GFRA2: variants seen among roughly 807,000 people sequenced by gnomAD.
GFRA2 encodes GDNF family receptor alpha-2.
A neutral mutation model predicts 48.3 loss-of-function variants in GFRA2; 17 were observed. The ratio of observed to expected loss-of-function variants is 0.35; its 90% CI spans 0.24 to 0.53. GFRA2 has a LOEUF of 0.53. GFRA2 is among the 20% of genes least tolerant of loss of function. GFRA2 has a pLI of 0.93. For synonymous variants in GFRA2, 305 were observed against 257.2 expected, an observed-to-expected ratio of 1.19 and a Z score of -1.78; for missense variants, 660 against 637.3, an observed-to-expected ratio of 1.04 and a Z score of -0.38.
At chr8:21,791,401 C>T (rs1807571425), upstream of GFRA2, among the ~76,000 whole-genome samples, 2 of 152,114 alleles carry the variant, frequency 1.3e-5, no homozygotes, top group Admixed American at 1.3e-4. Flanking sequence ...CTGCAGGGCA[C>T]TCTGACCTTG....
At chr8:21,803,629 A>G (rs1807808703) in intron 2 of GFRA2, among the ~76,000 whole-genome samples, 1 of 152,176 alleles carries the variant, frequency 6.6e-6, no homozygotes, top group Non-Finnish European at 1.5e-5. Context: ...AGTAATGATC[A>G]TAGCTAACTT....
intron 3 of GFRA2, among the ~76,000 whole-genome samples, chr8:21,772,266 G>A (rs1806472740): frequency 6.6e-6 from 1 of 152,112 alleles, no homozygotes; most frequent in Non-Finnish European, 1.5e-5. Context: ...TCTTTCTGCT[G>A]AGCTCCTCAC....
intron 7 of GFRA2, among the ~76,000 whole-genome samples, chr8:21,702,307 G>C (rs757794977): frequency 1.3e-5 from 2 of 152,198 alleles, no homozygotes; most frequent in African/African-American, 2.4e-5. Flanking sequence ...GCCCACAAGG[G>C]AGGGGGAAGG....
intron 4 of GFRA2, among the ~76,000 whole-genome samples, chr8:21,718,814 G>A (rs1431187041): frequency 6.6e-6 from 1 of 152,152 alleles, no homozygotes; most frequent in African/African-American, 2.4e-5. Flanking sequence ...ACAGCAGCAA[G>A]GCCAGAAGAC....
chr8:21,705,041 T>A lies in GFRA2; in HGVS notation c.989A>T (p.Asn330Ile). Residue 330 changes from asparagine (N) to isoleucine (I), a missense_variant, in exon 6 of 9, where the codon AAC becomes ATC. Coordinates refer to ENST00000524240, the MANE Select transcript of GFRA2 (RefSeq NM_001495.5). ...GAACTTCTCACACTCCTCCTCCATG[T>A]TCCCGCTGCCACGACAGCTGCACCA... Reference protein sequence around the residue: ...SPWCSCRGSGNMEEECEKFLR... With the variant: ...SPWCSCRGSGIMEEECEKFLR... The A allele has an allele frequency of 1.2e-6, 2 of 1,611,070 alleles. No homozygotes were observed. Among genetic ancestry groups the A allele is most frequent in the Non-Finnish European group, 1.7e-6 (2 of 1,179,144 alleles).
chr8:21,807,247 T>C (rs997765768), intron 1 of GFRA2, among the ~76,000 whole-genome samples: 2 of 152,228 alleles, frequency 1.3e-5, no homozygotes, highest in Admixed American at 1.3e-4. Context: ...GGCTCATTAC[T>C]GCAACAGTGG....
intron 4 of GFRA2, among the ~76,000 whole-genome samples, chr8:21,736,792 C>T (rs1804485780): frequency 6.6e-6 from 1 of 151,756 alleles, no homozygotes; most frequent in Non-Finnish European, 1.5e-5. Context: ...GTGCTCTGTC[C>T]TGAAATTATT....
intron 4 of GFRA2, among the ~76,000 whole-genome samples, chr8:21,749,617 T>C (rs1805178015): frequency 6.6e-6 from 1 of 152,272 alleles, no homozygotes; most frequent in African/African-American, 2.4e-5. Flanking sequence ...CCACGTGACC[T>C]ACGTTGGGAT....
At chr8:21,746,602 A>C (rs1805017326) in intron 4 of GFRA2, among the ~76,000 whole-genome samples, 1 of 151,966 alleles carries the variant, frequency 6.6e-6, no homozygotes, top group South Asian at 2.1e-4. Flanking sequence ...CCATTGTTTA[A>C]ATTTATTTCC....
At chr8:21,748,076 C>T (rs1439056765) in intron 4 of GFRA2, among the ~76,000 whole-genome samples, 1 of 152,196 alleles carries the variant, frequency 6.6e-6, no homozygotes, top group Admixed American at 6.5e-5. Context: ...CAGACTCCCT[C>T]CTGAGCTCTA....
chr8:21,787,574 A>G (rs1807345017), intron 1 of GFRA2, among the ~76,000 whole-genome samples: 1 of 152,036 alleles, frequency 6.6e-6, no homozygotes, highest in Non-Finnish European at 1.5e-5. Flanking sequence ...TCCGTTTGCC[A>G]GGCGCGGCTG....
intron 2 of GFRA2, among the ~76,000 whole-genome samples, chr8:21,776,469 CT>C (rs142915155): frequency 0.012 from 1,599 of 133,790 alleles, 29 homozygotes; most frequent in East Asian, 0.068. Context: ...AGACGAGACT[CT>C]TTTTTTTTTT....
At chr8:21,752,993 C>G (rs1242238233) in intron 3 of GFRA2, among the ~76,000 whole-genome samples, 2 of 152,124 alleles carry the variant, frequency 1.3e-5, no homozygotes, top group Non-Finnish European at 2.9e-5. Flanking sequence ...CCTGCTTTGC[C>G]CTGTGCCCCC....
At chr8:21,804,276 G>A (rs924021252) in intron 2 of GFRA2, among the ~76,000 whole-genome samples, 3 of 151,692 alleles carry the variant, frequency 2.0e-5, no homozygotes, top group Non-Finnish European at 4.4e-5. Flanking sequence ...TCTCAGCCTG[G>A]TTCTGACACT....
intron 4 of GFRA2, chr8:21,706,551 G>C: frequency 2.4e-6 from 1 of 417,976 alleles, no homozygotes; most frequent in South Asian, 1.7e-5. Context: ...TGGCCAGGGA[G>C]GCAAAAGAGT....
upstream of GFRA2, chr8:21,788,978 G>A (rs1807426679): frequency 4.3e-6 from 1 of 231,780 alleles, no homozygotes. Context: ...TCTCGCGCCA[G>A]CGCCCCTCTC....
chr8:21,775,652 C>T (rs1806655110), intron 2 of GFRA2, among the ~76,000 whole-genome samples: 1 of 152,192 alleles, frequency 6.6e-6, no homozygotes, highest in Non-Finnish European at 1.5e-5. Context: ...TGCCCCCCAT[C>T]GTGTCACCAG....
intron 3 of GFRA2, 47 bp downstream of exon 3, chr8:21,774,925 C>A: frequency 9.6e-7 from 1 of 1,038,230 alleles, no homozygotes; most frequent in Non-Finnish European, 1.5e-6. Flanking sequence ...TGCCATGCCA[C>A]AGGGACGAGA....
chr8:21,777,260 T>C (rs952253520), intron 2 of GFRA2, among the ~76,000 whole-genome samples: 2 of 152,210 alleles, frequency 1.3e-5, no homozygotes, highest in South Asian at 4.1e-4. Context: ...CATTCCTAAA[T>C]AAGTACTGTT....
Sources: gnomAD v4.1 joint callset for allele counts (sites outside exome capture counted in the v4.1 genomes callset) on GRCh38, gnomAD v4.1.1 for gene constraint, MANE v1.5 for transcripts, NCBI Gene and HGNC (gene_info 2026-07-23, HGNC 2026-07-21) for gene names.